The following GPHN variants were observed in gnomAD, a reference collection of about 807,000 sequenced individuals.
The protein encoded by GPHN is gephyrin.
GPHN carries 17 observed loss-of-function variants against 95.5 expected under a neutral mutation model. That is an observed-to-expected ratio of 0.18 (90% CI 0.12 to 0.27). The LOEUF (loss-of-function observed/expected upper bound fraction) is 0.27, where lower values mean the gene tolerates loss of function less well. Among genes scored for constraint, GPHN ranks in the 10% least tolerant of loss-of-function variants. GPHN has a pLI of 1.00. For synonymous variants in GPHN, 320 were observed against 322.5 expected, an observed-to-expected ratio of 0.99 and a Z score of 0.08; for missense variants, 660 against 978.1, an observed-to-expected ratio of 0.67 and a Z score of 4.34.
chr14:67,285,718 G>C, the GPHN span, among the ~76,000 whole-genome samples: 5 of 151,986 alleles, frequency 3.3e-5, no homozygotes, highest in Non-Finnish European at 7.4e-5. Flanking sequence ...TCTTCCACAT[G>C]GTTACCCAGA....
chr14:67,689,928 G>C, the GPHN span: 2 of 344,392 alleles, frequency 5.8e-6, no homozygotes, highest in South Asian at 5.0e-5. Context: ...ATGGGTGACA[G>C]AGCAAGATCC....
At chr14:66,781,854 T>C (rs768384490) in intron 3 of GPHN, among the ~76,000 whole-genome samples, 1 of 152,218 alleles carries the variant, frequency 6.6e-6, no homozygotes, top group South Asian at 2.1e-4. Context: ...AGCATCCTGG[T>C]ACTCATGTAT....
the GPHN span, among the ~76,000 whole-genome samples, chr14:67,404,821 A>G: frequency 6.6e-6 from 1 of 152,124 alleles, no homozygotes; most frequent in Non-Finnish European, 1.5e-5. Flanking sequence ...GAAAAAATAT[A>G]TATAGTACAT....
chr14:67,692,620 T>C, the GPHN span: 3 of 1,522,938 alleles, frequency 2.0e-6, no homozygotes, highest in African/African-American at 1.4e-5. Context: ...GAAAGAGAAA[T>C]GGTCAGCTCT....
chr14:66,694,188 T>G (rs1281686494), intron 2 of GPHN, among the ~76,000 whole-genome samples: 1 of 152,098 alleles, frequency 6.6e-6, no homozygotes, highest in Non-Finnish European at 1.5e-5. Flanking sequence ...TGAATTGGAT[T>G]AGTGTCCCTA....
At chr14:66,803,514 C>T (rs1440910401) in intron 3 of GPHN, among the ~76,000 whole-genome samples, 1 of 152,180 alleles carries the variant, frequency 6.6e-6, no homozygotes, top group Non-Finnish European at 1.5e-5. Flanking sequence ...TCTCACTCCA[C>T]CCCTCTCTTC....
At chr14:67,056,604 C>T (rs1380129304) in intron 10 of GPHN, among the ~76,000 whole-genome samples, 1 of 152,252 alleles carries the variant, frequency 6.6e-6, no homozygotes, top group East Asian at 1.9e-4. Context: ...ATATACAATC[C>T]TCCAGCTAGA....
chr14:67,170,901 C>T (rs1392274893), intron 21 of GPHN, among the ~76,000 whole-genome samples: 1 of 152,248 alleles, frequency 6.6e-6, no homozygotes, highest in African/African-American at 2.4e-5. Context: ...GCAGCTTACA[C>T]ACACCACTTA....
the GPHN span, among the ~76,000 whole-genome samples, chr14:67,625,365 T>A: frequency 2.7e-4 from 41 of 152,234 alleles, 1 homozygote; most frequent in Non-Finnish European, 4.6e-4. Flanking sequence ...TAAATACATC[T>A]ATGTTTCAAA....
At chr14:67,215,436 A>G in the GPHN span, among the ~76,000 whole-genome samples, 1 of 151,794 alleles carries the variant, frequency 6.6e-6, no homozygotes, top group Non-Finnish European at 1.5e-5. Context: ...CCACTGAGCT[A>G]TTTCAGTGTA....
chr14:66,617,764 G>C (rs1326959093), intron 1 of GPHN, among the ~76,000 whole-genome samples: 3 of 151,836 alleles, frequency 2.0e-5, no homozygotes, highest in Non-Finnish European at 4.4e-5. Context: ...TGAAATTATA[G>C]TTTATTTTCT....
chr14:67,678,882 T>C, the GPHN span, among the ~76,000 whole-genome samples: 14,206 of 151,864 alleles, frequency 0.094, 685 homozygotes, highest in Middle Eastern at 0.2. Flanking sequence ...CTTGAAGTTA[T>C]ACTGTTAGTA....
At chr14:67,429,703 T>C in the GPHN span, among the ~76,000 whole-genome samples, 84 of 152,096 alleles carry the variant, frequency 5.5e-4, 1 homozygote, top group Middle Eastern at 0.014. Context: ...GCCATTGCAC[T>C]CCAGCCTGGG....
At chr14:67,054,671 T>G (rs1478683117) in intron 10 of GPHN, among the ~76,000 whole-genome samples, 2 of 152,158 alleles carry the variant, frequency 1.3e-5, no homozygotes, top group Non-Finnish European at 2.9e-5. Flanking sequence ...AGAACAAAGC[T>G]GAAGGCATCA....
the GPHN span, among the ~76,000 whole-genome samples, chr14:67,209,821 A>G: frequency 6.9e-6 from 1 of 144,324 alleles, no homozygotes; most frequent in Non-Finnish European, 1.6e-5. Flanking sequence ...CCATCTCGGA[A>G]AAAAAAAAAA....
the GPHN span, among the ~76,000 whole-genome samples, chr14:67,340,748 C>T: frequency 6.6e-6 from 1 of 152,198 alleles, no homozygotes; most frequent in Non-Finnish European, 1.5e-5. Context: ...GTACTGCTGC[C>T]ATCTCAGCTC....
At chr14:67,671,272 T>A in the GPHN span, among the ~76,000 whole-genome samples, 9 of 152,206 alleles carry the variant, frequency 5.9e-5, no homozygotes, top group Non-Finnish European at 1.3e-4. Context: ...ACACCTGTAA[T>A]CCTAGCACTT....
chr14:66,730,537 AAG>A (rs1427448238), intron 2 of GPHN, among the ~76,000 whole-genome samples: 1 of 152,196 alleles, frequency 6.6e-6, no homozygotes, highest in African/African-American at 2.4e-5. Flanking sequence ...ATAGACAAAA[AAG>A]TTAATATGCC....
At chr14:66,535,446 T>C (rs2059109422) in intron 1 of GPHN, among the ~76,000 whole-genome samples, 2 of 152,124 alleles carry the variant, frequency 1.3e-5, no homozygotes, top group African/African-American at 4.8e-5. Flanking sequence ...GTGGTGGGTA[T>C]ACTCTATCCT....
Sources: gnomAD v4.1 joint callset for allele counts (sites outside exome capture counted in the v4.1 genomes callset) on GRCh38, gnomAD v4.1.1 for gene constraint, MANE v1.5 for transcripts, NCBI Gene and HGNC (gene_info 2026-07-23, HGNC 2026-07-21) for gene names.